OTOGL: variants seen among roughly 807,000 people sequenced by gnomAD.
OTOGL encodes the protein otogelin like, also known as otogelin-like protein.
A neutral mutation model predicts 318.5 loss-of-function variants in OTOGL; 285 were observed. That is an observed-to-expected ratio of 0.89 (90% confidence interval 0.81 to 0.99). OTOGL has a LOEUF of 0.99. OTOGL is among the 50% of genes least tolerant of loss of function. The probability of loss-of-function intolerance (pLI) is 0.00; values close to 1 mark genes in which losing one functional copy is unlikely to be tolerated. For synonymous variants in OTOGL, 987 were observed against 936.5 expected, an observed-to-expected ratio of 1.05 and a Z score of -0.99; for missense variants, 2,899 against 2,845.6, an observed-to-expected ratio of 1.02 and a Z score of -0.43.
chr12:80,257,771 CAG>C, intron 17 of OTOGL, 52 bp from the exon 18 acceptor site: 2 of 1,387,782 alleles, frequency 1.4e-6, no homozygotes, highest in South Asian at 2.9e-5. Context: ...CCTAGCATTT[CAG>C]AACACCGTCT....
intron 27 of OTOGL, among the ~76,000 whole-genome samples, chr12:80,298,821 T>C (rs1267288958): frequency 6.6e-6 from 1 of 152,036 alleles, no homozygotes; most frequent in Non-Finnish European, 1.5e-5. Flanking sequence ...GTAAAGGCAA[T>C]AGATGAGGGG....
At position 80,151,455 on chromosome 12, in the gene OTOGL, C is replaced by G. The variant is rs565629543; in HGVS notation, c.-20+51850C>G. Among the ~76,000 whole-genome samples, 4 of 152,116 alleles carry G rather than the reference C, an allele frequency of 2.6e-5. No homozygotes were observed. In the South Asian group the frequency reaches 8.3e-4, roughly 31 times the overall value. ...ATTATTTTGCTTATTCACATACTTACAAGCTCATGGTCAACTTCCCCTATT... is the reference window on the plus strand; with the variant it reads ...ATTATTTTGCTTATTCACATACTTAGAAGCTCATGGTCAACTTCCCCTATT... On this transcript the variant is annotated intron_variant, in intron 1 of 58. Coordinates refer to ENST00000547103, the MANE Select transcript of OTOGL (RefSeq NM_001378609.3).
At chr12:80,268,505 C>T (rs767843050) in intron 22 of OTOGL, among the ~76,000 whole-genome samples, 4 of 152,068 alleles carry the variant, frequency 2.6e-5, no homozygotes, top group Non-Finnish European at 4.4e-5. Flanking sequence ...ATTGATTATG[C>T]TCAATTTACC....
chr12:80,148,197 G>T lies in OTOGL; in HGVS notation c.-20+48592G>T, dbSNP rs546475343. ...GATTTTGCAGCGGCTGGTACCGGTT[G>T]TTCCTGTCCACATTTAGTGCTTCCT... On this transcript the variant is annotated intron_variant, in intron 1 of 58. Transcript: ENST00000547103. Among the ~76,000 whole-genome samples, 4 of 151,510 alleles carry T rather than the reference G, an allele frequency of 2.6e-5. No individual in the cohort carries two copies. In the South Asian group the frequency reaches 8.5e-4, roughly 32 times the overall value.
At chr12:80,212,688 T>C (rs1877359625) in intron 4 of OTOGL, among the ~76,000 whole-genome samples, 1 of 152,172 alleles carries the variant, frequency 6.6e-6, no homozygotes. Context: ...AGGAATATGA[T>C]TTGAGTATTT....
intron 1 of OTOGL, among the ~76,000 whole-genome samples, chr12:80,151,386 C>T (rs571195329): frequency 1.7e-3 from 253 of 152,278 alleles, no homozygotes; most frequent in African/African-American, 5.9e-3. Context: ...ACTTTTCACT[C>T]CATTACCTGC....
At chr12:80,359,982 G>T (rs1347130840) in intron 52 of OTOGL, among the ~76,000 whole-genome samples, 1 of 152,184 alleles carries the variant, frequency 6.6e-6, no homozygotes, top group Non-Finnish European at 1.5e-5. Flanking sequence ...TCTAACCAAG[G>T]ATTGCTTTTT....
chr12:80,124,766 T>G (rs1272272367), intron 1 of OTOGL, among the ~76,000 whole-genome samples: 2 of 152,042 alleles, frequency 1.3e-5, no homozygotes, highest in Non-Finnish European at 2.9e-5. Context: ...CCCTTGTAAG[T>G]TGGATTCCTA....
chr12:80,374,588 T>A (rs1891076777), intron 57 of OTOGL, among the ~76,000 whole-genome samples: 1 of 152,152 alleles, frequency 6.6e-6, no homozygotes, highest in Non-Finnish European at 1.5e-5. Flanking sequence ...AGTCATTGTA[T>A]CAGGGGCTCA....
chr12:80,353,577 T>G, intron 46 of OTOGL, 67 bp downstream of exon 46: 1 of 1,229,706 alleles, frequency 8.1e-7, no homozygotes, highest in East Asian at 2.8e-5. Flanking sequence ...TTTTTAGATA[T>G]TGCAGAGATG....
At chr12:80,237,930 A>G (rs1450554760) in intron 9 of OTOGL, among the ~76,000 whole-genome samples, 1 of 152,156 alleles carries the variant, frequency 6.6e-6, no homozygotes, top group Non-Finnish European at 1.5e-5. Context: ...TCCAACCTCA[A>G]ATCTGAAGTC....
chr12:80,285,648 G>A (rs986089695), intron 26 of OTOGL, among the ~76,000 whole-genome samples: 6 of 151,964 alleles, frequency 3.9e-5, no homozygotes, highest in African/African-American at 1.5e-4. Flanking sequence ...ATTATGAATG[G>A]GAGTCCACTC....
intron 52 of OTOGL, among the ~76,000 whole-genome samples, chr12:80,362,204 T>C (rs1890273977): frequency 6.6e-6 from 1 of 152,226 alleles, no homozygotes; most frequent in South Asian, 2.1e-4. Flanking sequence ...CATGCGGAAA[T>C]GCAATTGTTC....
intron 1 of OTOGL, among the ~76,000 whole-genome samples, chr12:80,205,328 T>C (rs1014354981): frequency 6.6e-6 from 1 of 152,152 alleles, no homozygotes; most frequent in African/African-American, 2.4e-5. Context: ...AAGGTATCAA[T>C]TAGATATTAC....
intron 24 of OTOGL, among the ~76,000 whole-genome samples, chr12:80,277,673 C>G (rs1365077458): frequency 6.6e-6 from 1 of 151,444 alleles, no homozygotes. Context: ...GTTCCACACA[C>G]ACCTAAGTTA....
intron 57 of OTOGL, among the ~76,000 whole-genome samples, chr12:80,376,730 G>A (rs1891195440): frequency 6.6e-6 from 1 of 151,850 alleles, no homozygotes; most frequent in Non-Finnish European, 1.5e-5. Flanking sequence ...ATGTAGTTAT[G>A]CATTAATTAC....
Position 80,374,436 on chromosome 12 carries a change from G to A in OTOGL, c.6781+2372G>A, listed in dbSNP as rs543245141. 8.5e-5 allele frequency among the ~76,000 whole-genome samples: 13 copies of A among 152,192 alleles called. No homozygotes were observed. The South Asian group carries it at 2.1e-3, about 24-fold the overall frequency. On this transcript the variant is annotated intron_variant, in intron 57 of 58. Coordinates refer to ENST00000547103, the MANE Select transcript of OTOGL (RefSeq NM_001378609.3). ...TAATTATATTGCAAAGACTTTTAGG[G>A]ATAGTATAATATAACCTATATATTT...
chr12:80,236,393 C>A (rs1879847926), intron 9 of OTOGL, among the ~76,000 whole-genome samples: 1 of 152,116 alleles, frequency 6.6e-6, no homozygotes, highest in African/African-American at 2.4e-5. Context: ...AGCAGGCTCC[C>A]ACACCACCAT....
At chr12:80,350,377 C>T (rs1009087536) in intron 44 of OTOGL, among the ~76,000 whole-genome samples, 26 of 152,290 alleles carry the variant, frequency 1.7e-4, no homozygotes, top group Middle Eastern at 3.4e-3. Flanking sequence ...GATGTGCAGA[C>T]ATCTCTGTGA....
Sources: allele counts gnomAD v4.1 joint callset (sites outside exome capture counted in the v4.1 genomes callset), GRCh38; gene constraint gnomAD v4.1.1; transcripts MANE v1.5; gene names NCBI Gene and HGNC (gene_info 2026-07-23, HGNC 2026-07-21).